The following RASGRF1 variants were observed in gnomAD, a reference collection of about 807,000 sequenced individuals.
RASGRF1 encodes Ras protein specific guanine nucleotide releasing factor 1.
RASGRF1 carries 40 observed loss-of-function variants against 138.7 expected under a neutral mutation model. The observed-to-expected ratio is 0.29, with a 90% CI of 0.22 to 0.38. The LOEUF is 0.38. Among genes scored for constraint, RASGRF1 ranks in the 10% least tolerant of loss-of-function variants. The pLI is 1.00. For synonymous variants in RASGRF1, 614 were observed against 663.2 expected (o/e 0.93, Z 1.14); for missense variants, 1,108 against 1,650.4 (o/e 0.67, Z 5.69).
intron 1 of RASGRF1, among the ~76,000 whole-genome samples, chr15:79,071,389 T>G (rs972956157): frequency 6.6e-5 from 10 of 150,678 alleles, no homozygotes; most frequent in African/African-American, 1.5e-4. Flanking sequence ...AGTCAGAGTC[T>G]CACTCTGTTG....
chr15:78,982,886 GT>G lies in RASGRF1; in HGVS notation c.3414+2120del, dbSNP rs74812268. On this transcript the variant is annotated intron_variant, in intron 23 of 26. Transcript: ENST00000558480. The stretch of plus-strand genomic sequence containing the variant: ...GTATCATCATCAGATCGTCTCTTGG[GT>G]TTTTTTTTTCCCCAAAGAGGATGGG... 2.7e-3 allele frequency among the ~76,000 whole-genome samples: 407 copies of G among 150,002 alleles called. 2 individuals are homozygous for G. The highest frequency in any genetic ancestry group is 0.01 in the Middle Eastern group (3 of 290).
At chr15:79,045,195 C>A (rs1273611305) in intron 5 of RASGRF1, among the ~76,000 whole-genome samples, 1 of 152,204 alleles carries the variant, frequency 6.6e-6, no homozygotes, top group African/African-American at 2.4e-5. Context: ...GTAGCATCAG[C>A]AGCACCTGCA....
At chr15:79,005,372 T>C in intron 14 of RASGRF1, 2 of 985,332 alleles carry the variant, frequency 2.0e-6, no homozygotes, top group African/African-American at 1.7e-5. Context: ...TCTGGCATAA[T>C]GTCTTGCCTA....
intron 23 of RASGRF1, among the ~76,000 whole-genome samples, chr15:78,982,902 A>G (rs921832246): frequency 1.3e-5 from 2 of 151,992 alleles, no homozygotes; most frequent in African/African-American, 4.8e-5. Flanking sequence ...TTTTTCCCCA[A>G]AGAGGATGGG....
chr15:78,999,443 G>C (rs867016027), intron 17 of RASGRF1, among the ~76,000 whole-genome samples: 1 of 152,166 alleles, frequency 6.6e-6, no homozygotes, highest in Non-Finnish European at 1.5e-5. Flanking sequence ...CAGGCCCTGG[G>C]TGTGTGCAGA....
intron 5 of RASGRF1, 133 bp from the exon 6 acceptor site, chr15:79,035,343 A>T (rs2057204461): frequency 2.9e-6 from 2 of 682,772 alleles, no homozygotes; most frequent in South Asian, 4.0e-5. Flanking sequence ...TGAAAACTGC[A>T]CCGGCAGGAT....
intron 1 of RASGRF1, among the ~76,000 whole-genome samples, chr15:79,077,725 A>G (rs547333067): frequency 6.6e-6 from 1 of 151,868 alleles, no homozygotes; most frequent in East Asian, 1.9e-4. Context: ...CCTCTCTAGT[A>G]TTTCTGGAAT....
chr15:79,031,557 A>G (rs2057136996), intron 7 of RASGRF1, 48 bp from the exon 8 acceptor site: 2 of 1,212,628 alleles, frequency 1.6e-6, no homozygotes, highest in Non-Finnish European at 1.1e-6. Flanking sequence ...CCAGGGAAGT[A>G]TGGCCGGGGA....
rs1276896196 is a variant in RASGRF1 at position 79,004,193 on chromosome 15, G to T, written c.2076-18C>A. The T allele has an allele frequency of 3.9e-6, 6 of 1,546,444 alleles. No individual in the cohort carries two copies. Among genetic ancestry groups the T allele is most frequent in the Non-Finnish European group, 5.2e-6 (6 of 1,147,142 alleles). On this transcript the variant is annotated intron_variant, in intron 14 of 26. Transcript: ENST00000558480. ...CCAGCGACCTGTGGGGAGGGCGGGG[G>T]TGAAAATGACAGTTAGCGTAGGCCT...
Position 79,049,495 on chromosome 15 carries a change from CCTT to C in RASGRF1, c.622_624del (p.Lys208del). On this transcript the variant is annotated inframe_deletion and splice_region_variant, in exon 4 of 27. Coordinates refer to ENST00000558480, the MANE Select transcript of RASGRF1 (RefSeq NM_001145648.3). ...AGGCCACCCAGAGGGATAGCACTGA[CCTT>C]CTTAATTTTCTTGATGTCGCTGTCT... 2 of 1,613,772 alleles carry C rather than the reference CCTT, an allele frequency of 1.2e-6. No homozygotes were observed. Among genetic ancestry groups the C allele is most frequent in the Non-Finnish European group, 8.5e-7 (1 of 1,179,814 alleles).
chr15:78,964,322 GCGT>G (rs2055603111), intron 26 of RASGRF1, among the ~76,000 whole-genome samples: 1 of 151,898 alleles, frequency 6.6e-6, no homozygotes, highest in African/African-American at 2.4e-5. Flanking sequence ...TTACAGGCAT[GCGT>G]CACCATGCCT....
At chr15:78,965,547 G>A (rs1428413068) in intron 26 of RASGRF1, among the ~76,000 whole-genome samples, 1 of 152,050 alleles carries the variant, frequency 6.6e-6, no homozygotes, top group Non-Finnish European at 1.5e-5. Flanking sequence ...ATCCCACACT[G>A]GTATAAGAAT....
chr15:79,086,556 G>A (rs1265963665), intron 1 of RASGRF1, among the ~76,000 whole-genome samples: 1 of 142,280 alleles, frequency 7.0e-6, no homozygotes, highest in Admixed American at 7.0e-5. Flanking sequence ...AACTAAGTGG[G>A]TAGACAACAG....
In RASGRF1 at chr15:78,975,587, C is replaced by T. The variant is rs116239018; in HGVS notation, c.3495-2167G>A. ...AGTGCAGTGGCACAATCACAGCTCA[C>T]TGCAGCCTTGACTTCTCAGGCTCCA... is the stretch of plus-strand genomic sequence containing the variant. On this transcript the variant is annotated intron_variant, in intron 24 of 26. Coordinates refer to ENST00000558480, the MANE Select transcript of RASGRF1 (RefSeq NM_001145648.3). Among the ~76,000 whole-genome samples the T allele has an allele frequency of 6.3e-3, 954 of 151,642 alleles. 7 individuals carry two copies. The highest frequency in any genetic ancestry group is 0.022 in the African/African-American group (922 of 41,284).
chr15:78,999,251 G>A (rs1232528316), intron 17 of RASGRF1, among the ~76,000 whole-genome samples: 20 of 152,172 alleles, frequency 1.3e-4, no homozygotes, highest in Admixed American at 1.3e-3. Flanking sequence ...AGCTGGCCAA[G>A]TAGCAAAGGG....
In RASGRF1 at chr15:79,041,977, G is replaced by A. The variant is rs77640136; in HGVS notation, c.878+4769C>T. Among the ~76,000 whole-genome samples the A allele has an allele frequency of 5.8e-3, 889 of 152,324 alleles. 10 individuals are homozygous for A. The highest frequency in any genetic ancestry group is 0.021 in the African/African-American group (860 of 41,574). On this transcript the variant is annotated intron_variant, in intron 5 of 26. Coordinates refer to ENST00000558480, the MANE Select transcript of RASGRF1 (RefSeq NM_001145648.3). The stretch of plus-strand genomic sequence containing the variant: ...CAAGATACAAACCATCTGCCACTGG[G>A]ACAGGATGCCTCTTGTCATGGGCAA...
At chr15:79,022,365 G>C (rs1472320788) in intron 10 of RASGRF1, among the ~76,000 whole-genome samples, 1 of 151,906 alleles carries the variant, frequency 6.6e-6, no homozygotes. Flanking sequence ...TCTTGAACCT[G>C]GGAGGCAGAG....
At position 79,067,599 on chromosome 15, in the gene RASGRF1, ACCTGCCC is replaced by A. The variant is rs1170691857; in HGVS notation, c.277-3080_277-3074del. ...CAGTTTGTTCCCTTTGTGCTCGTAA[ACCTGCCC>A]CCTGACATCTGTTTTATGCAACCAC... is the stretch of plus-strand genomic sequence containing the variant. On this transcript the variant is annotated intron_variant, in intron 1 of 26. Coordinates refer to ENST00000558480, the MANE Select transcript of RASGRF1 (RefSeq NM_001145648.3). 5.9e-5 allele frequency among the ~76,000 whole-genome samples: 9 copies of A among 152,152 alleles called. No individual in the cohort carries two copies. The East Asian group carries it at 1.5e-3, about 26-fold the overall frequency.
intron 26 of RASGRF1, among the ~76,000 whole-genome samples, chr15:78,965,345 G>A (rs2055622455): frequency 6.6e-6 from 1 of 152,060 alleles, no homozygotes; most frequent in Non-Finnish European, 1.5e-5. Flanking sequence ...CTCTAGCCCT[G>A]CAGTTGCCAA....
Sources: allele counts gnomAD v4.1 joint callset (sites outside exome capture counted in the v4.1 genomes callset), GRCh38; gene constraint gnomAD v4.1.1; transcripts MANE v1.5; gene names NCBI Gene and HGNC (gene_info 2026-07-23, HGNC 2026-07-21).